Variants in KCNIP3 observed in about 807,000 individuals in gnomAD.
The protein encoded by KCNIP3 is calsenilin.
In KCNIP3, 28 loss-of-function variants were observed where a neutral mutation model predicts 35.0. The observed-to-expected ratio is 0.80, with a 90% CI of 0.59 to 1.10. The LOEUF is 1.10. Ranked by LOEUF, KCNIP3 falls within the 50% of genes least tolerant of loss-of-function variation. The pLI, the probability that KCNIP3 is intolerant of heterozygous loss-of-function variation, is 0.00. For missense variants in KCNIP3, 295 were observed against 338.4 expected (o/e 0.87, Z 1.01); for synonymous variants, 134 against 133.8 (o/e 1.00, Z -0.01).
chr2:95,332,785 C>A (rs1258778703), intron 2 of KCNIP3, among the ~76,000 whole-genome samples: 2 of 152,126 alleles, frequency 1.3e-5, no homozygotes, highest in Non-Finnish European at 2.9e-5. Flanking sequence ...TGGTGAAGAG[C>A]CCTGGCTTTG....
At chr2:95,310,306 C>A (rs758239320) in intron 1 of KCNIP3, 49 bp from the exon 2 acceptor site, 3 of 1,607,154 alleles carry the variant, frequency 1.9e-6, no homozygotes, top group Admixed American at 3.3e-5. Context: ...ATCCAGGGGT[C>A]CCCCCTCTGA....
rs538391406 is a variant in KCNIP3 at position 95,312,347 on chromosome 2, G to A, written c.181+1827G>A. ...GGACGGGGAGAAAGGTGACAGAGGG[G>A]CCGGCATGGCGTGTTCAAGTCAGGG... On this transcript the variant is annotated intron_variant, in intron 2 of 8. Coordinates refer to ENST00000295225, the MANE Select transcript of KCNIP3 (RefSeq NM_013434.5). 395 of 152,474 alleles carry A rather than the reference G, an allele frequency of 2.6e-3. 1 individual carries two copies. Among genetic ancestry groups the A allele is most frequent in the Non-Finnish European group, 4.3e-3 (296 of 68,152 alleles). The allele number at this position is 152,474 out of a possible 1,614,324, so 9.4% of individuals were successfully genotyped here. A position where few individuals can be genotyped will look rare whatever the true frequency, so the allele number is the denominator to read the frequency against.
In KCNIP3 at chr2:95,384,106, C is replaced by T; in HGVS notation, c.*57C>T. ...ACCTCCACCCCCAAGAAACCTCCAT[C>T]CTGCCAGGAGCAGCCTCCAAGAAAC... is the stretch of plus-strand genomic sequence containing the variant. On this transcript the variant is annotated 3_prime_UTR_variant, in exon 9 of 9. Transcript: ENST00000295225. 1.3e-6 allele frequency: 2 copies of T among 1,531,710 alleles called. No homozygotes were observed. Among genetic ancestry groups the T allele is most frequent in the South Asian group, 2.2e-5 (2 of 89,304 alleles). The allele number at this position is 1,531,710 out of a possible 1,614,324, so 94.9% of individuals were successfully genotyped here.
Position 95,384,209 on chromosome 2 carries a change from C to T in KCNIP3, c.*160C>T. ...ACACACACACACACACACACACAGC[C>T]ATTCATCTGGGCTGGCAGAGGGGAC... On this transcript the variant is annotated 3_prime_UTR_variant, in exon 9 of 9. Transcript: ENST00000295225. 1.6e-6 allele frequency: 1 copy of T among 615,066 alleles called. No homozygotes were observed. Among genetic ancestry groups the T allele is most frequent in the Non-Finnish European group, 2.9e-6 (1 of 346,314 alleles). 38.1% of individuals were successfully genotyped at this position (615,066 alleles called of 1,614,324 possible).
At position 95,382,963 on chromosome 2, in the gene KCNIP3, C is replaced by A. The variant is rs961983358; in HGVS notation, c.661-269C>A. Among the ~76,000 whole-genome samples the A allele has an allele frequency of 1.3e-5, 2 of 152,176 alleles. No individual in the cohort carries two copies. The highest frequency in any genetic ancestry group is 4.8e-5 in the African/African-American group (2 of 41,446). ...AGCATGGGGACAAATTCTGGGAAAC[C>A]CAAGCCCAGGAGGGCTCAGGGAATT... On this transcript the variant is annotated intron_variant, in intron 7 of 8. Coordinates refer to ENST00000295225, the MANE Select transcript of KCNIP3 (RefSeq NM_013434.5). The surrounding 1 kb of genome is among the most constrained non-coding windows in gnomAD (Gnocchi z 4.5).
intron 2 of KCNIP3, among the ~76,000 whole-genome samples, chr2:95,315,922 A>C (rs917127905): frequency 3.3e-5 from 5 of 152,210 alleles, no homozygotes; most frequent in Non-Finnish European, 7.3e-5. Context: ...CACTGTGTGC[A>C]CATGCAGATA....
At chr2:95,312,015 G>A (rs1419312854) in intron 2 of KCNIP3, 2 of 152,228 alleles carry the variant, frequency 1.3e-5, no homozygotes, top group Non-Finnish European at 2.9e-5. Context: ...CTTAGGGTGG[G>A]GGCGAGAGCA....
At chr2:95,298,555 C>T (rs1290166011) in intron 1 of KCNIP3, 1 of 152,088 alleles carries the variant, frequency 6.6e-6, no homozygotes, top group East Asian at 1.9e-4. Flanking sequence ...GCGTCTCTGC[C>T]CTGAACAGAT....
Position 95,374,298 on chromosome 2 carries a change from A to G in KCNIP3, c.184A>G (p.Ser62Gly). ...LSSTAPQGSD[S>G]SDSELELSTV... ...CTCTGGTCTGTGTCCCACTCCAGAT[A>G]GCAGCGACAGTGAGCTGGAGCTGTC... The change falls in exon 3 of 9, where the codon AGC becomes GGC. Residue 62 changes from serine (S) to glycine (G), a missense_variant and splice_region_variant. Ser to Gly is a moderately conservative substitution (Grantham distance 56). Transcript: ENST00000295225. 1.9e-6 allele frequency: 3 copies of G among 1,613,806 alleles called. No homozygotes were observed. Among genetic ancestry groups the G allele is most frequent in the East Asian group, 4.5e-5 (2 of 44,876 alleles).
intron 1 of KCNIP3, among the ~76,000 whole-genome samples, chr2:95,300,363 G>A (rs1036276432): frequency 7.9e-5 from 12 of 152,242 alleles, no homozygotes; most frequent in Admixed American, 1.3e-4. Context: ...GTGAGGCAGG[G>A]AACTGCTTTA....
chr2:95,351,516 G>A (rs1022664806), intron 2 of KCNIP3, among the ~76,000 whole-genome samples: 3 of 152,248 alleles, frequency 2.0e-5, no homozygotes, highest in Admixed American at 6.5e-5. Context: ...AGGTGCAGTG[G>A]CCATCTATTG....
At chr2:95,329,397 C>A (rs1474569605) in intron 2 of KCNIP3, among the ~76,000 whole-genome samples, 2 of 152,234 alleles carry the variant, frequency 1.3e-5, no homozygotes, top group African/African-American at 4.8e-5. Flanking sequence ...ACCACCAGGC[C>A]CCAGGCCAAC....
rs1442348400 is a variant in KCNIP3, at chr2:95,377,523, C to T, written c.447+2315C>T. ...CTGGAAGTATGCTGTGTCACTGGAGCCCTCACCCTGCCTAGCCCCTGCCAT... is the reference window on the plus strand; with the variant it reads ...CTGGAAGTATGCTGTGTCACTGGAGTCCTCACCCTGCCTAGCCCCTGCCAT... On this transcript the variant is annotated intron_variant, in intron 5 of 8. Transcript: ENST00000295225. The surrounding 1 kb of genome is among the most constrained non-coding windows in gnomAD (Gnocchi z 4.7). Among the ~76,000 whole-genome samples, 2 of 152,228 alleles carry T rather than the reference C, an allele frequency of 1.3e-5. No individual in the cohort carries two copies. Among genetic ancestry groups the T allele is most frequent in the African/African-American group, 4.8e-5 (2 of 41,462 alleles).
intron 2 of KCNIP3, among the ~76,000 whole-genome samples, chr2:95,364,832 C>T (rs1465227952): frequency 6.6e-6 from 1 of 152,118 alleles, no homozygotes; most frequent in Non-Finnish European, 1.5e-5. Flanking sequence ...AAATAAACGT[C>T]TTTTCTTTAT....
In KCNIP3 at chr2:95,384,193, CA is replaced by C; in HGVS notation, c.*145del. On this transcript the variant is annotated 3_prime_UTR_variant, in exon 9 of 9. Transcript: ENST00000295225. Reference sequence around the variant, plus strand: ...CTACACACACACACACACACACACACACACACACACACAGCCATTCATCTGG... The same window carrying C: ...CTACACACACACACACACACACACACCACACACACACAGCCATTCATCTGG... The C allele has an allele frequency of 1.5e-6, 1 of 665,852 alleles. No homozygotes were observed. The allele number at this position is 665,852 out of a possible 1,614,324, so 41.2% of individuals were successfully genotyped here.
chr2:95,383,131 A>ATCCC, intron 7 of KCNIP3, 101 bp from the exon 8 acceptor site: 1 of 295,836 alleles, frequency 3.4e-6, no homozygotes, highest in Non-Finnish European at 7.1e-6. Flanking sequence ...CCATCCACCC[A>ATCCC]CCCGCCCATC....
chr2:95,369,034 T>C (rs1272520437), intron 2 of KCNIP3: 2 of 152,286 alleles, frequency 1.3e-5, no homozygotes, highest in Admixed American at 1.3e-4. Context: ...GATTGATTTT[T>C]GTATATTGAC....
intron 2 of KCNIP3, among the ~76,000 whole-genome samples, chr2:95,373,224 A>T (rs1328711564): frequency 6.6e-6 from 1 of 152,148 alleles, no homozygotes; most frequent in Non-Finnish European, 1.5e-5. Flanking sequence ...TTATGCGAGG[A>T]TGCTGCTCAG....
At chr2:95,300,784 G>A (rs1464586901) in intron 1 of KCNIP3, among the ~76,000 whole-genome samples, 1 of 152,228 alleles carries the variant, frequency 6.6e-6, no homozygotes, top group Non-Finnish European at 1.5e-5. Context: ...AGACGGGAGG[G>A]CAGCGTGGGG....
Sources: allele counts gnomAD v4.1 joint callset (sites outside exome capture counted in the v4.1 genomes callset), GRCh38; gene constraint gnomAD v4.1.1; non-coding constraint Gnocchi (gnomAD v3.1); transcripts MANE v1.5; gene names NCBI Gene and HGNC (gene_info 2026-07-23, HGNC 2026-07-21).